The following PRDM16 variants were observed in gnomAD, a reference collection of about 807,000 sequenced individuals.
The protein encoded by PRDM16 is histone-lysine N-methyltransferase PRDM16.
In PRDM16, 23 loss-of-function variants were observed where a neutral mutation model predicts 110.6. The ratio of observed to expected loss-of-function variants is 0.21; its 90% confidence interval spans 0.15 to 0.29. PRDM16 has a LOEUF of 0.29. Among genes scored for constraint, PRDM16 ranks in the 10% least tolerant of loss-of-function variants. The probability of loss-of-function intolerance (pLI) is 1.00; values close to 1 mark genes in which losing one functional copy is unlikely to be tolerated. For missense variants in PRDM16, 1,615 were observed against 1,794.3 expected, an observed-to-expected ratio of 0.90 and a Z score of 1.81; for synonymous variants, 799 against 781.8, an observed-to-expected ratio of 1.02 and a Z score of -0.37.
intron 3 of PRDM16, among the ~76,000 whole-genome samples, chr1:3,374,884 G>A (rs998193566): frequency 9.2e-5 from 14 of 152,208 alleles, no homozygotes; most frequent in African/African-American, 3.1e-4. Flanking sequence ...CCAGGCGGGG[G>A]AGCAGCAGGC....
At chr1:3,092,844 T>C (rs529310904) in intron 1 of PRDM16, among the ~76,000 whole-genome samples, 1 of 152,138 alleles carries the variant, frequency 6.6e-6, no homozygotes, top group Admixed American at 6.5e-5. Flanking sequence ...CAAGGCAACA[T>C]CTTAAACCCA....
rs1171697538 is a variant in PRDM16 at position 3,245,072 on chromosome 1, G to C, written c.438+935G>C. On this transcript the variant is annotated intron_variant, in intron 3 of 16. Transcript: ENST00000270722. The surrounding 1 kb of genome is among the most constrained non-coding windows in gnomAD (Gnocchi z 4.7). ...CCCAGACAGCATCGCAGGGGGCGGG[G>C]TGGGGCGGGGTGCACCATGGGGGTT... is the stretch of plus-strand genomic sequence containing the variant. 6.6e-6 allele frequency among the ~76,000 whole-genome samples: 1 copy of C among 152,158 alleles called. No homozygotes were observed. Among genetic ancestry groups the C allele is most frequent in the South Asian group, 2.1e-4 (1 of 4,830 alleles).
intron 3 of PRDM16, among the ~76,000 whole-genome samples, chr1:3,294,062 G>A (rs943937127): frequency 6.6e-6 from 1 of 152,188 alleles, no homozygotes. Flanking sequence ...CGGGGGCCAG[G>A]CGTTCCTGCC....
intron 3 of PRDM16, among the ~76,000 whole-genome samples, chr1:3,344,200 C>A (rs11803139): frequency 0.034 from 5,229 of 152,036 alleles, 276 homozygotes; most frequent in African/African-American, 0.12. Flanking sequence ...TAGTCGGTTG[C>A]GATGGTGCAC....
intron 3 of PRDM16, among the ~76,000 whole-genome samples, chr1:3,333,462 T>C (rs1271744008): frequency 1.3e-5 from 2 of 152,180 alleles, no homozygotes; most frequent in Non-Finnish European, 2.9e-5. Context: ...CTCCAAAACG[T>C]GCCCTAGCTT....
At chr1:3,363,461 C>T (rs1454328984) in intron 3 of PRDM16, among the ~76,000 whole-genome samples, 1 of 152,162 alleles carries the variant, frequency 6.6e-6, no homozygotes, top group East Asian at 1.9e-4. Flanking sequence ...TCCCGGTGAG[C>T]ACGGGGGAGC....
intron 8 of PRDM16, among the ~76,000 whole-genome samples, chr1:3,409,687 T>A (rs1234379968): frequency 6.6e-6 from 1 of 150,412 alleles, no homozygotes; most frequent in African/African-American, 2.5e-5. Context: ...TGTGTGTGCG[T>A]GTGTGTGGTG....
At chr1:3,223,128 T>TTC (rs1487214067) in intron 2 of PRDM16, among the ~76,000 whole-genome samples, 1 of 133,644 alleles carries the variant, frequency 7.5e-6, no homozygotes, top group Non-Finnish European at 1.6e-5. Flanking sequence ...TTTTTTTTTT[T>TTC]GAGACAGAGT....
In PRDM16 at chr1:3,190,286, T is replaced by C. The variant is rs574099953; in HGVS notation, c.387+3812T>C. 2.0e-5 allele frequency among the ~76,000 whole-genome samples: 3 copies of C among 150,702 alleles called. No individual in the cohort carries two copies. The East Asian group carries it at 5.8e-4, about 29-fold the overall frequency. On this transcript the variant is annotated intron_variant, in intron 2 of 16. Coordinates refer to ENST00000270722, the MANE Select transcript of PRDM16 (RefSeq NM_022114.4). The surrounding 1 kb of genome is among the most constrained non-coding windows in gnomAD (Gnocchi z 5.0). ...GTGGGGCAGCCTTACTTCAAGGTCG[T>C]GGGGCAGCCTTACTTTAAGTGGGAG...
At chr1:3,181,249 TAC>T (rs1644168427) in intron 1 of PRDM16, among the ~76,000 whole-genome samples, 2 of 120,002 alleles carry the variant, frequency 1.7e-5, no homozygotes, top group African/African-American at 3.1e-5. Context: ...CACACAGTCT[TAC>T]ACACGCAGTC....
In PRDM16 at chr1:3,140,352, G is replaced by A. The variant is rs571420313; in HGVS notation, c.38-45773G>A. 7.9e-5 allele frequency among the ~76,000 whole-genome samples: 12 copies of A among 152,182 alleles called. No homozygotes were observed. The East Asian group carries it at 2.3e-3, about 30-fold the overall frequency. ...GCCTTCTGAGCCGAGATGTGGCTACGGGGGTCTCACATAGGGCCCCCAACT... is the reference window on the plus strand; with the variant it reads ...GCCTTCTGAGCCGAGATGTGGCTACAGGGGTCTCACATAGGGCCCCCAACT... On this transcript the variant is annotated intron_variant, in intron 1 of 16. Transcript: ENST00000270722.
chr1:3,127,123 G>A (rs1643225171), intron 1 of PRDM16, among the ~76,000 whole-genome samples: 1 of 152,236 alleles, frequency 6.6e-6, no homozygotes, highest in African/African-American at 2.4e-5. Flanking sequence ...AAAAGAGAGA[G>A]AGGCCCAGAC....
intron 1 of PRDM16, among the ~76,000 whole-genome samples, chr1:3,183,360 T>A (rs1644232386): frequency 6.6e-6 from 1 of 152,260 alleles, no homozygotes; most frequent in South Asian, 2.1e-4. Flanking sequence ...GAGCGAGTGA[T>A]CTGTGCCTGG....
At chr1:3,085,034 T>C (rs1024550918) in intron 1 of PRDM16, among the ~76,000 whole-genome samples, 7 of 152,056 alleles carry the variant, frequency 4.6e-5, no homozygotes, top group Admixed American at 6.5e-5. Flanking sequence ...CAGCCCCTTT[T>C]CCTGCACCCC....
At chr1:3,181,552 G>GGTCTTACACACGGTCTTACA (rs755533699) in intron 1 of PRDM16, among the ~76,000 whole-genome samples, 5,437 of 27,082 alleles carry the variant, frequency 0.2, 2,186 homozygotes, top group Non-Finnish European at 0.31. Context: ...TCTTACACAC[G>GGTCTTACACACGGTCTTACA]CAGTCTTACA....
intron 2 of PRDM16, among the ~76,000 whole-genome samples, chr1:3,202,233 C>T (rs760193563): frequency 5.3e-5 from 8 of 152,182 alleles, no homozygotes; most frequent in Non-Finnish European, 7.3e-5. Flanking sequence ...AAACAGCACA[C>T]GGTGCTGCTG....
chr1:3,186,118 C>T lies in PRDM16; in HGVS notation c.38-7C>T. On this transcript the variant is annotated splice_polypyrimidine_tract_variant and splice_region_variant and intron_variant, in intron 1 of 16. Coordinates refer to ENST00000270722, the MANE Select transcript of PRDM16 (RefSeq NM_022114.4). ...TGCAGAGGTTGACGCTGCGTTGTCT[C>T]CTTTAGGTGACGGTGACGTTGTAAA... 1 of 1,610,484 alleles carries T rather than the reference C, an allele frequency of 6.2e-7. No homozygotes were observed. The highest frequency in any genetic ancestry group is 8.5e-7 in the Non-Finnish European group (1 of 1,177,838).
intron 1 of PRDM16, among the ~76,000 whole-genome samples, chr1:3,171,322 G>C (rs924628887): frequency 3.3e-5 from 5 of 152,244 alleles, no homozygotes; most frequent in Admixed American, 6.5e-5. Flanking sequence ...TGTCCGGGCA[G>C]AGCCAGGGAA....
At position 3,170,282 on chromosome 1, in the gene PRDM16, AT is replaced by A. The variant is rs537556429; in HGVS notation, c.38-15842del. On this transcript the variant is annotated intron_variant, in intron 1 of 16. Transcript: ENST00000270722. ...GCCCTTCCGGGGTGGGGGTGCAGAG[AT>A]CCCCCGCTCCAGGCCTGAAGGGGTG... Among the ~76,000 whole-genome samples, 58 of 152,122 alleles carry A rather than the reference AT, an allele frequency of 3.8e-4. No homozygotes were observed. The East Asian group carries it at 8.7e-3, about 23-fold the overall frequency.
Sources: allele counts gnomAD v4.1 joint callset (sites outside exome capture counted in the v4.1 genomes callset), GRCh38; gene constraint gnomAD v4.1.1; non-coding constraint Gnocchi (gnomAD v3.1); transcripts MANE v1.5; gene names NCBI Gene and HGNC (gene_info 2026-07-23, HGNC 2026-07-21).